PIK3C2G: variants seen among roughly 807,000 people sequenced by gnomAD.
PIK3C2G encodes the protein phosphatidylinositol 3-kinase C2 domain-containing subunit gamma.
PIK3C2G carries 168 observed loss-of-function variants against 181.1 expected under a neutral mutation model. The ratio of observed to expected loss-of-function variants is 0.93; its 90% confidence interval spans 0.82 to 1.05. The LOEUF (loss-of-function observed/expected upper bound fraction) is 1.05. Ranked by LOEUF, PIK3C2G falls within the 50% of genes least tolerant of loss-of-function variation. PIK3C2G has a pLI of 0.00. For missense variants in PIK3C2G, 1,869 were observed against 1,732.8 expected (o/e 1.08, Z -1.40); for synonymous variants, 573 against 592.2 (o/e 0.97, Z 0.47).
intron 22 of PIK3C2G, among the ~76,000 whole-genome samples, chr12:18,502,000 A>T (rs1941523227): frequency 6.6e-6 from 1 of 152,194 alleles, no homozygotes; most frequent in South Asian, 2.1e-4. Context: ...CAGGATTAAA[A>T]AGCATCACCT....
intron 16 of PIK3C2G, among the ~76,000 whole-genome samples, chr12:18,401,311 T>A (rs1236235543): frequency 6.6e-6 from 1 of 152,150 alleles, no homozygotes; most frequent in African/African-American, 2.4e-5. Context: ...AATAAAATAG[T>A]CATGTGGTAA....
At chr12:18,608,865 C>T (rs550141799) in intron 30 of PIK3C2G, among the ~76,000 whole-genome samples, 1 of 152,136 alleles carries the variant, frequency 6.6e-6, no homozygotes, top group South Asian at 2.1e-4. Context: ...CTGAAACTTA[C>T]ATTGGTAATG....
intron 1 of PIK3C2G, among the ~76,000 whole-genome samples, chr12:18,273,353 C>A (rs546272303): frequency 6.6e-6 from 1 of 152,144 alleles, no homozygotes; most frequent in East Asian, 1.9e-4. Context: ...GGTACCAGTA[C>A]CATGCTGTTT....
chr12:18,365,835 A>G lies in PIK3C2G; in HGVS notation c.1748+2949A>G, dbSNP rs547118499. On this transcript the variant is annotated intron_variant, in intron 12 of 32. Coordinates refer to ENST00000538779, the MANE Select transcript of PIK3C2G (RefSeq NM_001288772.2). Reference sequence around the variant, plus strand: ...AATTTCTGATCTTACATTTCAAACCACTCCACCTATGGATGGCCATTCTGG... The same window carrying G: ...AATTTCTGATCTTACATTTCAAACCGCTCCACCTATGGATGGCCATTCTGG... 2.6e-5 allele frequency among the ~76,000 whole-genome samples: 4 copies of G among 152,012 alleles called. No individual in the cohort carries two copies. In the South Asian group the frequency reaches 8.3e-4, roughly 32 times the overall value.
chr12:18,593,706 C>T (rs1947205085), intron 29 of PIK3C2G, among the ~76,000 whole-genome samples: 1 of 151,812 alleles, frequency 6.6e-6, no homozygotes, highest in Non-Finnish European at 1.5e-5. Flanking sequence ...TCTCAGACTT[C>T]CCAGTTAGCC....
intron 32 of PIK3C2G, among the ~76,000 whole-genome samples, chr12:18,642,885 TG>T (rs1314469688): frequency 1.3e-5 from 2 of 151,306 alleles, no homozygotes; most frequent in African/African-American, 4.9e-5. Context: ...TTCTCTAAAC[TG>T]GTAAGGAAAA....
At chr12:18,620,982 T>C (rs1336304203) in intron 31 of PIK3C2G, among the ~76,000 whole-genome samples, 1 of 152,116 alleles carries the variant, frequency 6.6e-6, no homozygotes, top group Non-Finnish European at 1.5e-5. Context: ...ATTTTACCTC[T>C]AAATTAGTAA....
At chr12:18,697,292 T>C in the PIK3C2G span, among the ~76,000 whole-genome samples, 4 of 152,168 alleles carry the variant, frequency 2.6e-5, no homozygotes, top group African/African-American at 9.6e-5. Context: ...TTACAGTTAA[T>C]TTTATCAATA....
chr12:18,371,266 A>G lies in PIK3C2G; in HGVS notation c.1835A>G (p.Asn612Ser), dbSNP rs777988100. 4.3e-6 allele frequency: 7 copies of G among 1,612,438 alleles called. No homozygotes were observed. The highest frequency in any genetic ancestry group is 2.7e-5 in the African/African-American group (2 of 74,918). ...KLFGIACATN[N>S]ANLLAWTCLP... ...TTTGGGATTGCCTGTGCAACCAACAATGCAAATTTACTGGCGTGGACTTGT... is the reference window on the plus strand; with the variant it reads ...TTTGGGATTGCCTGTGCAACCAACAGTGCAAATTTACTGGCGTGGACTTGT... The change falls in exon 13 of 33, where the codon AAT (asparagine) becomes AGT (serine). Residue 612 changes from asparagine to serine, a missense_variant. Physicochemically the swap from Asn to Ser is conservative, Grantham distance 46. Transcript: ENST00000538779.
chr12:18,302,962 G>A (rs1046534458), intron 5 of PIK3C2G, among the ~76,000 whole-genome samples: 3 of 152,002 alleles, frequency 2.0e-5, no homozygotes, highest in Admixed American at 1.3e-4. Context: ...CAGACGTTAG[G>A]CTTGAGCACG....
intron 29 of PIK3C2G, among the ~76,000 whole-genome samples, chr12:18,590,094 A>C (rs1047601398): frequency 6.6e-6 from 1 of 150,760 alleles, no homozygotes; most frequent in African/African-American, 2.4e-5. Context: ...TCTCATTTAT[A>C]GTATACAGTA....
chr12:18,659,721 C>T, the PIK3C2G span, among the ~76,000 whole-genome samples: 2,648 of 144,704 alleles, frequency 0.018, 42 homozygotes, highest in Middle Eastern at 0.058. Context: ...ATGTGCACAA[C>T]GTGCAGGTTT....
chr12:18,436,957 G>T (rs1946485153), intron 18 of PIK3C2G, among the ~76,000 whole-genome samples: 1 of 151,880 alleles, frequency 6.6e-6, no homozygotes, highest in Admixed American at 6.6e-5. Context: ...TTCTGGGGAG[G>T]CCTTGTTAAG....
At position 18,581,399 on chromosome 12, in the gene PIK3C2G, G is replaced by A. The variant is rs564543811; in HGVS notation, c.4012-13095G>A. Among the ~76,000 whole-genome samples, 12 of 152,216 alleles carry A rather than the reference G, an allele frequency of 7.9e-5. No homozygotes were observed. In the South Asian group the frequency reaches 2.3e-3, roughly 29 times the overall value. ...TTTAGCTGAGTCATTGATACCAAAG[G>A]ACAGTAACTTTAGATCCCCTAAGAA... On this transcript the variant is annotated intron_variant, in intron 29 of 32. Coordinates refer to ENST00000538779, the MANE Select transcript of PIK3C2G (RefSeq NM_001288772.2).
At chr12:18,642,063 A>G (rs1949870519) in intron 32 of PIK3C2G, among the ~76,000 whole-genome samples, 1 of 151,830 alleles carries the variant, frequency 6.6e-6, no homozygotes, top group South Asian at 2.1e-4. Context: ...TCACACTTCT[A>G]CCTGATTACT....
chr12:18,621,890 C>T (rs993223941), intron 31 of PIK3C2G, among the ~76,000 whole-genome samples: 2 of 151,424 alleles, frequency 1.3e-5, no homozygotes, highest in Non-Finnish European at 1.5e-5. Flanking sequence ...CACACACACA[C>T]GTTGGAAAGA....
upstream of PIK3C2G, among the ~76,000 whole-genome samples, chr12:18,257,833 GAA>G (rs998493449): frequency 7.9e-6 from 1 of 126,404 alleles, no homozygotes; most frequent in African/African-American, 2.8e-5. Context: ...GAAAGAAAGA[GAA>G]AGGAAAAGAA....
At chr12:18,592,489 G>A (rs1947136690) in intron 29 of PIK3C2G, among the ~76,000 whole-genome samples, 1 of 151,902 alleles carries the variant, frequency 6.6e-6, no homozygotes, top group Non-Finnish European at 1.5e-5. Context: ...GAGAGGGCTT[G>A]TTAGAGAAGA....
chr12:18,613,496 A>C (rs144928900), intron 31 of PIK3C2G, among the ~76,000 whole-genome samples: 5 of 152,168 alleles, frequency 3.3e-5, no homozygotes, highest in East Asian at 1.9e-4. Context: ...ATTACTTTTA[A>C]TTTTTTTATT....
Sources: gnomAD v4.1 joint callset for allele counts (sites outside exome capture counted in the v4.1 genomes callset) on GRCh38, gnomAD v4.1.1 for gene constraint, MANE v1.5 for transcripts, NCBI Gene and HGNC (gene_info 2026-07-23, HGNC 2026-07-21) for gene names.